SLC17A9: variants seen among roughly 807,000 people sequenced by gnomAD.
SLC17A9 encodes the protein voltage-gated purine nucleotide uniporter SLC17A9.
SLC17A9 carries 49 observed loss-of-function variants against 55.0 expected under a neutral mutation model. That is an observed-to-expected ratio of 0.89 (90% confidence interval 0.71 to 1.13). SLC17A9 has a LOEUF of 1.13. Ranked by LOEUF, SLC17A9 falls within the 50% of genes most tolerant of loss-of-function variation. The pLI is 0.00. For missense variants in SLC17A9, 526 were observed against 569.3 expected (o/e 0.92, Z 0.77); for synonymous variants, 256 against 247.4 (o/e 1.03, Z -0.32).
chr20:62,957,749 T>TGTGC, intron 3 of SLC17A9, among the ~76,000 whole-genome samples, 169 bp downstream of exon 3: 1 of 131,236 alleles, frequency 7.6e-6, no homozygotes, highest in South Asian at 2.5e-4. Context: ...TGTGCGTGTG[T>TGTGC]AAGTGTGTGT....
Position 62,956,926 on chromosome 20 carries a change from G to A in SLC17A9, c.221G>A (p.Cys74Tyr), listed in dbSNP as rs1260935918. The change falls in exon 2 of 13, where the codon TGC becomes TAC. Residue 74 changes from cysteine (C) to tyrosine (Y), a missense_variant. Transcript: ENST00000370351. ...CTCAGCAGCTTCTTCTGGGGCTACT[G>A]CCTGACACAGGTTGTGGGCGGCCAC... Reference protein sequence around the residue: ...IVLSSFFWGYCLTQVVGGHLG... With the variant: ...IVLSSFFWGYYLTQVVGGHLG... The A allele has an allele frequency of 2.5e-6, 4 of 1,613,460 alleles. No individual in the cohort carries two copies. Among genetic ancestry groups the A allele is most frequent in the East Asian group, 2.2e-5 (1 of 44,902 alleles).
At position 62,958,150 on chromosome 20, in the gene SLC17A9, T is replaced by C. The variant is rs915020039; in HGVS notation, c.397+570T>C. On this transcript the variant is annotated intron_variant, in intron 3 of 12. Coordinates refer to ENST00000370351, the MANE Select transcript of SLC17A9 (RefSeq NM_022082.4). This position sits in a 1 kb window ranked among gnomAD's most constrained non-coding sequence, Gnocchi z 4.1. The stretch of plus-strand genomic sequence containing the variant: ...ATATGCGTGTGTACGTGCGTGAGTG[T>C]GCCCGTATGAGGGTGTACGTGTGGC... Among the ~76,000 whole-genome samples the C allele has an allele frequency of 6.6e-6, 1 of 152,160 alleles. No individual in the cohort carries two copies. Among genetic ancestry groups the C allele is most frequent in the Admixed American group, 6.5e-5 (1 of 15,280 alleles).
At position 62,963,308 on chromosome 20, in the gene SLC17A9, C is replaced by T. The variant is rs772568745; in HGVS notation, c.664C>T (p.Arg222Trp). 7.6e-5 allele frequency: 122 copies of T among 1,613,728 alleles called. No homozygotes were observed. The highest frequency in any genetic ancestry group is 9.7e-5 in the Non-Finnish European group (114 of 1,180,042). The part of the protein sequence containing the change: ...ILALGVLAQS[R>W]PVSRHNRVPW... ...GGCCTTGGGTGTCCTGGCCCAAAGC[C>T]GGCCGGTGTCCAGGCACAACAGAGT... The change falls in exon 6 of 13, where the codon CGG becomes TGG. Residue 222 changes from arginine (R) to tryptophan (W), a missense_variant. Physicochemically the swap from Arg to Trp is moderately radical, Grantham distance 101. Transcript: ENST00000370351.
chr20:62,963,495 GC>G, intron 6 of SLC17A9, 88 bp from the exon 7 acceptor site: 2 of 1,507,292 alleles, frequency 1.3e-6, no homozygotes. Flanking sequence ...TGGGACTCTG[GC>G]CCCCAGGGGA....
At chr20:62,956,693 T>G in intron 1 of SLC17A9, 72 bp from the exon 2 acceptor site, 1 of 1,407,992 alleles carries the variant, frequency 7.1e-7, no homozygotes, top group South Asian at 1.3e-5. Flanking sequence ...CTGAGGGAGG[T>G]CTCTGAGTGA....
intron 6 of SLC17A9, 50 bp downstream of exon 6, chr20:62,963,419 C>G (rs2065606384): frequency 6.3e-7 from 1 of 1,587,542 alleles, no homozygotes; most frequent in East Asian, 2.3e-5. Flanking sequence ...GGCCGGTGAC[C>G]ATGGGGGTGT....
chr20:62,963,836 G>A, intron 7 of SLC17A9, 156 bp downstream of exon 7: 1 of 696,812 alleles, frequency 1.4e-6, no homozygotes, highest in Non-Finnish European at 2.4e-6. Context: ...CCTCTGGAGA[G>A]GACCCCGTCC....
At chr20:62,966,410 C>G in intron 10 of SLC17A9, 115 bp from the exon 11 acceptor site, 1 of 1,208,436 alleles carries the variant, frequency 8.3e-7, no homozygotes, top group Non-Finnish European at 1.2e-6. Context: ...CTGAGCGTGT[C>G]CCAGCCCCTC....
chr20:62,959,375 T>C (rs2065569462), intron 3 of SLC17A9, among the ~76,000 whole-genome samples: 1 of 152,192 alleles, frequency 6.6e-6, no homozygotes, highest in African/African-American at 2.4e-5. Context: ...CATTCTGTTT[T>C]CTAGAAACCT....
chr20:62,957,636 G>A (rs1199212209), intron 3 of SLC17A9, 56 bp downstream of exon 3: 6 of 1,434,604 alleles, frequency 4.2e-6, no homozygotes, highest in Non-Finnish European at 5.6e-6. Flanking sequence ...GGGGAGACAA[G>A]GGGGGTGTGC....
intron 12 of SLC17A9, 162 bp downstream of exon 12, chr20:62,966,894 TC>T: frequency 1.1e-6 from 1 of 871,554 alleles, no homozygotes; most frequent in Non-Finnish European, 1.7e-6. Flanking sequence ...GGGGCTGCCT[TC>T]CAGGTTCCAC....
chr20:62,967,409 T>C lies in SLC17A9; in HGVS notation c.1220T>C (p.Val407Ala). The C allele has an allele frequency of 6.2e-7, 1 of 1,614,178 alleles. No homozygotes were observed. Among genetic ancestry groups the C allele is most frequent in the Non-Finnish European group, 8.5e-7 (1 of 1,180,012 alleles). ...TCCTGGACTTGCCTGTTCAACCTTG[T>C]GGCCATCATCAGCAACCTGGGGCTG... Reference protein sequence around the residue: ...TGSWTCLFNLVAIISNLGLCT... With the variant: ...TGSWTCLFNLAAIISNLGLCT... The change falls in exon 13 of 13, where the codon GTG becomes GCG. Residue 407 changes from valine (V) to alanine (A), a missense_variant. Coordinates refer to ENST00000370351, the MANE Select transcript of SLC17A9 (RefSeq NM_022082.4).
rs1483916900 is a variant in SLC17A9 at position 62,969,460 on chromosome 20, C to T, written c.*1960C>T. The T allele has an allele frequency of 6.6e-6, 1 of 152,156 alleles. No homozygotes were observed. The highest frequency in any genetic ancestry group is 2.4e-5 in the African/African-American group (1 of 41,432). The allele number at this position is 152,156 out of a possible 1,614,324, so 9.4% of individuals were successfully genotyped here. On this transcript the variant is annotated 3_prime_UTR_variant, in exon 13 of 13. Coordinates refer to ENST00000370351, the MANE Select transcript of SLC17A9 (RefSeq NM_022082.4). ...CTGCTCTGGGACCAGTGCCAGTGGG[C>T]GCACGCTGGGTTTGCCTACGTCTGG...
chr20:62,965,230 C>A, intron 9 of SLC17A9, 64 bp downstream of exon 9: 1 of 1,607,260 alleles, frequency 6.2e-7, no homozygotes. Context: ...CTCCCAGGAA[C>A]TCAGGGTTGT....
intron 3 of SLC17A9, 125 bp from the exon 4 acceptor site, chr20:62,960,379 G>A (rs776066076): frequency 7.2e-6 from 6 of 828,756 alleles, no homozygotes; most frequent in Non-Finnish European, 1.2e-5. Flanking sequence ...CTGGTCCCTC[G>A]GGTGGGGAGG....
chr20:62,966,450 C>A (rs1568918339), intron 10 of SLC17A9, 75 bp from the exon 11 acceptor site: 9 of 1,531,422 alleles, frequency 5.9e-6, no homozygotes, highest in African/African-American at 2.8e-5. Context: ...TGCTTCCCCG[C>A]TTCCCCTGTG....
At chr20:62,957,661 A>G in intron 3 of SLC17A9, 81 bp downstream of exon 3, 3 of 1,272,308 alleles carry the variant, frequency 2.4e-6, no homozygotes, top group Non-Finnish European at 2.1e-6. Flanking sequence ...ATGTGTGTGC[A>G]GGTGCATGCG....
chr20:62,967,213 A>G, intron 12 of SLC17A9, 124 bp from the exon 13 acceptor site: 2 of 1,173,622 alleles, frequency 1.7e-6, no homozygotes, highest in South Asian at 1.4e-5. Context: ...CCTGGGAACC[A>G]TGGGGGCTCC....
At position 62,966,723 on chromosome 20, in the gene SLC17A9, G is replaced by A. The variant is rs374675240; in HGVS notation, c.1138G>A (p.Ala380Thr). ...CACAGGTGTGGCCAACACAGCCGGG[G>A]CCTTGGCAGGTGAGGGGCGGGCCTC... The part of the protein sequence containing the change: ...FLFGVANTAG[A>T]LAGVVGVCLG... Residue 380 changes from alanine to threonine, a missense_variant, in exon 12 of 13, where the codon GCC becomes ACC. Ala to Thr is a moderately conservative substitution (Grantham distance 58). Transcript: ENST00000370351. 1.5e-5 allele frequency: 24 copies of A among 1,611,672 alleles called. No homozygotes were observed. Among genetic ancestry groups the A allele is most frequent in the Non-Finnish European group, 2.0e-5 (23 of 1,179,362 alleles).
Sources: gnomAD v4.1 joint callset for allele counts (sites outside exome capture counted in the v4.1 genomes callset) on GRCh38, gnomAD v4.1.1 for gene constraint, Gnocchi (gnomAD v3.1) non-coding constraint, MANE v1.5 for transcripts, NCBI Gene and HGNC (gene_info 2026-07-23, HGNC 2026-07-21) for gene names.